UGT1A6: variants seen among roughly 807,000 people sequenced by gnomAD.
UGT1A6 encodes UDP-glucuronosyltransferase 1A6.
In UGT1A6, 32 loss-of-function variants were observed where a neutral mutation model predicts 44.4. That is an observed-to-expected ratio of 0.72 (90% CI 0.54 to 0.97). The LOEUF (loss-of-function observed/expected upper bound fraction) is 0.97. Among genes scored for constraint, UGT1A6 ranks in the 50% least tolerant of loss-of-function variants. The probability of loss-of-function intolerance (pLI) is 0.00; values close to 1 mark genes in which losing one functional copy is unlikely to be tolerated. For missense variants in UGT1A6, 685 were observed against 661.9 expected (o/e 1.03, Z -0.38); for synonymous variants, 238 against 248.5 (o/e 0.96, Z 0.40).
At chr2:233,700,549 G>A (rs563571218) in intron 1 of UGT1A6, among the ~76,000 whole-genome samples, 28 of 151,836 alleles carry the variant, frequency 1.8e-4, no homozygotes, top group African/African-American at 6.3e-4. Flanking sequence ...GAGAATAAGG[G>A]GTTATAAAAA....
chr2:233,719,188 C>T (rs771753301), intron 1 of UGT1A6: 23 of 1,614,004 alleles, frequency 1.4e-5, no homozygotes, highest in Admixed American at 1.0e-4. Flanking sequence ...GTATCTTTGG[C>T]CCTTCATAGG....
At chr2:233,712,927 GA>G in intron 1 of UGT1A6, 25 of 1,612,018 alleles carry the variant, frequency 1.6e-5, no homozygotes, top group Non-Finnish European at 2.0e-5. Flanking sequence ...TAATTAAGAC[GA>G]AGGAAACAAT....
At chr2:233,736,540 G>T (rs7564935) in intron 1 of UGT1A6, among the ~76,000 whole-genome samples, 55,271 of 152,042 alleles carry the variant, frequency 0.36, 10,225 homozygotes, top group African/African-American at 0.41. Context: ...TCTCTTTCCA[G>T]CTTTGCTCCA....
At chr2:233,719,357 C>T (rs756721140) in intron 1 of UGT1A6, 62 of 1,613,782 alleles carry the variant, frequency 3.8e-5, no homozygotes, top group Non-Finnish European at 4.7e-5. Context: ...TTCCATGTGA[C>T]TTAGACTTTA....
intron 1 of UGT1A6, chr2:233,729,303 G>T: frequency 6.2e-7 from 1 of 1,614,236 alleles, no homozygotes; most frequent in South Asian, 1.1e-5. Context: ...ACCAGGCAGT[G>T]GTCCTCACCC....
At chr2:233,767,966 A>G in intron 3 of UGT1A6, 30 bp downstream of exon 3, 1 of 1,614,232 alleles carries the variant, frequency 6.2e-7, no homozygotes, top group South Asian at 1.1e-5. Flanking sequence ...TGTATAGGTC[A>G]AACCAGGGTC....
chr2:233,713,229 T>A, intron 1 of UGT1A6: 1 of 1,614,268 alleles, frequency 6.2e-7, no homozygotes, highest in East Asian at 2.2e-5. Context: ...CCTGACAACG[T>A]ATGCCATTTC....
intron 1 of UGT1A6, 122 bp from the exon 2 acceptor site, chr2:233,766,912 T>C: frequency 6.5e-7 from 1 of 1,532,250 alleles, no homozygotes; most frequent in African/African-American, 1.4e-5. Context: ...TTTTACTCTA[T>C]CTCAAACACG....
At chr2:233,755,032 C>G (rs753512191) in intron 1 of UGT1A6, 1 of 1,314,500 alleles carries the variant, frequency 7.6e-7, no homozygotes, top group South Asian at 1.1e-5. Flanking sequence ...AAGGGCCTGC[C>G]GCCTGCGCAG....
chr2:233,748,192 G>A, intron 1 of UGT1A6: 1 of 1,554,576 alleles, frequency 6.4e-7, no homozygotes, highest in South Asian at 1.2e-5. Flanking sequence ...TTTTATTTCT[G>A]CTTGTCGTAA....
intron 1 of UGT1A6, chr2:233,712,968 C>A (rs371730914): frequency 1.6e-5 from 26 of 1,612,856 alleles, no homozygotes; most frequent in Admixed American, 3.3e-5. Flanking sequence ...GGTGGACAGT[C>A]AGCTGTCGGT....
In UGT1A6 at chr2:233,772,448, C is replaced by T. The variant is rs199539868; in HGVS notation, c.1488C>T (p.Ala496=). The change falls in exon 5 of 5, where the codon GCC becomes GCT. Residue 496 remains alanine (A), a synonymous_variant. Transcript: ENST00000305139. ...HSLDVIGFLL[A]VVLTVAFITF... The stretch of plus-strand genomic sequence containing the variant: ...TGGACGTGATTGGTTTCCTCTTGGC[C>T]GTCGTGCTGACAGTGGCCTTCATCA... 42 of 1,614,180 alleles carry T rather than the reference C, an allele frequency of 2.6e-5. No homozygotes were observed. In the East Asian group the frequency reaches 7.4e-4, roughly 28 times the overall value.
At chr2:233,742,365 T>C (rs879560468) in intron 1 of UGT1A6, among the ~76,000 whole-genome samples, 1 of 151,994 alleles carries the variant, frequency 6.6e-6, no homozygotes, top group African/African-American at 2.4e-5. Flanking sequence ...AGCAGAAACA[T>C]GTCCTTAAGG....
Position 233,731,690 on chromosome 2 carries a change from G to C in UGT1A6, c.862-35344G>C, listed in dbSNP as rs183220610. ...TTCTTAATCCAGTCTATCATTGATG[G>C]ACATTTGGATTGGTTCCAGGTCTTT... On this transcript the variant is annotated intron_variant, in intron 1 of 4. Coordinates refer to ENST00000305139, the MANE Select transcript of UGT1A6 (RefSeq NM_001072.4). 7.2e-5 allele frequency among the ~76,000 whole-genome samples: 11 copies of C among 152,322 alleles called. No individual in the cohort carries two copies. The East Asian group carries it at 2.1e-3, about 29-fold the overall frequency.
rs550573221 is a variant in UGT1A6 at position 233,701,154 on chromosome 2, A to G, written c.861+7289A>G. On this transcript the variant is annotated intron_variant, in intron 1 of 4. Transcript: ENST00000305139. ...TTTAGGTTGGTTCCAAGTCTTTGCT[A>G]TTGTGAATAGTGCCGTTATAAACAT... is the stretch of plus-strand genomic sequence containing the variant. Among the ~76,000 whole-genome samples the G allele has an allele frequency of 9.9e-5, 15 of 152,250 alleles. 1 individual carries two copies. The East Asian group carries it at 2.7e-3, about 27-fold the overall frequency.
chr2:233,701,912 C>A (rs1291410680), intron 1 of UGT1A6, among the ~76,000 whole-genome samples: 2 of 152,020 alleles, frequency 1.3e-5, no homozygotes, highest in Non-Finnish European at 1.5e-5. Context: ...AAAATTGACA[C>A]CCTAACATCA....
At chr2:233,747,812 C>A (rs1693783784) in intron 1 of UGT1A6, 1 of 1,613,462 alleles carries the variant, frequency 6.2e-7, no homozygotes, top group Non-Finnish European at 8.5e-7. Context: ...TACTAACGAC[C>A]AATTCAGACC....
At chr2:233,695,410 T>C (rs1319297669) in intron 1 of UGT1A6, among the ~76,000 whole-genome samples, 3 of 148,278 alleles carry the variant, frequency 2.0e-5, no homozygotes, top group African/African-American at 7.4e-5. Context: ...AGGCGTGAGC[T>C]ACCGCGCCCG....
intron 1 of UGT1A6, among the ~76,000 whole-genome samples, chr2:233,734,828 G>A (rs1303318660): frequency 6.6e-6 from 1 of 152,222 alleles, no homozygotes; most frequent in African/African-American, 2.4e-5. Flanking sequence ...GCGATTTTGA[G>A]TGAGTTTCTT....
Sources: allele counts gnomAD v4.1 joint callset (sites outside exome capture counted in the v4.1 genomes callset), GRCh38; gene constraint gnomAD v4.1.1; transcripts MANE v1.5; gene names NCBI Gene and HGNC (gene_info 2026-07-23, HGNC 2026-07-21).